PTGER3: variants seen among roughly 807,000 people sequenced by gnomAD.
PTGER3 encodes prostaglandin E2 receptor EP3 subtype.
A neutral mutation model predicts 34.7 loss-of-function variants in PTGER3; 22 were observed. The ratio of observed to expected loss-of-function variants is 0.63; its 90% CI spans 0.45 to 0.91. The LOEUF (loss-of-function observed/expected upper bound fraction) is 0.91. Ranked by LOEUF, PTGER3 falls within the 40% of genes least tolerant of loss-of-function variation. The pLI is 0.00. For synonymous variants in PTGER3, 241 were observed against 230.1 expected (o/e 1.05, Z -0.43); for missense variants, 468 against 519.4 (o/e 0.90, Z 0.96).
chr1:70,894,153 C>T (rs926858650), intron 4 of PTGER3, among the ~76,000 whole-genome samples: 1 of 151,470 alleles, frequency 6.6e-6, no homozygotes, highest in Non-Finnish European at 1.5e-5. Context: ...ACTAAAAATA[C>T]AAAAAATTAG....
At chr1:70,853,962 C>CA (rs1341290594) in intron 4 of PTGER3, among the ~76,000 whole-genome samples, 1 of 152,022 alleles carries the variant, frequency 6.6e-6, no homozygotes, top group Non-Finnish European at 1.5e-5. Context: ...ACACAATATA[C>CA]AAAAATAAAC....
intron 1 of PTGER3, among the ~76,000 whole-genome samples, chr1:71,032,585 C>G (rs1659503296): frequency 6.6e-6 from 1 of 152,182 alleles, no homozygotes; most frequent in Admixed American, 6.5e-5. Flanking sequence ...TCCTTAGGAG[C>G]AGAGCCTGAA....
At position 71,047,676 on chromosome 1, in the gene PTGER3, T is replaced by C; in HGVS notation, c.-99A>G. On this transcript the variant is annotated 5_prime_UTR_variant, in exon 1 of 4. Transcript: ENST00000306666. Reference sequence around the variant, plus strand: ...GGCGGAGGTCGGCGTTTACCGCGGCTGGGGCTGGGCTGCCCCCCATGGTGC... The same window carrying C: ...GGCGGAGGTCGGCGTTTACCGCGGCCGGGGCTGGGCTGCCCCCCATGGTGC... 2 of 1,366,266 alleles carry C rather than the reference T, an allele frequency of 1.5e-6. No individual in the cohort carries two copies. Among genetic ancestry groups the C allele is most frequent in the Non-Finnish European group, 2.0e-6 (2 of 1,025,474 alleles). 84.6% of individuals were successfully genotyped at this position (1,366,266 alleles called of 1,614,324 possible). A position where few individuals can be genotyped will look rare whatever the true frequency, so the allele number is the denominator to read the frequency against.
intron 4 of PTGER3, among the ~76,000 whole-genome samples, chr1:70,884,981 TAG>T (rs914080566): frequency 1.6e-4 from 24 of 152,336 alleles, no homozygotes; most frequent in Non-Finnish European, 3.2e-4. Context: ...ACAACTCTTC[TAG>T]ATGTTAAAAT....
At chr1:71,017,762 C>G (rs1231586655) in intron 1 of PTGER3, among the ~76,000 whole-genome samples, 1 of 152,126 alleles carries the variant, frequency 6.6e-6, no homozygotes, top group African/African-American at 2.4e-5. Context: ...GCTTCCTGTA[C>G]AGCCAGCAGA....
At chr1:71,016,439 G>A (rs925785878) in intron 1 of PTGER3, among the ~76,000 whole-genome samples, 1 of 152,116 alleles carries the variant, frequency 6.6e-6, no homozygotes, top group African/African-American at 2.4e-5. Context: ...AGGCAGACTT[G>A]TGGAAGGCAA....
At chr1:70,981,337 TTCTTTCTTTC>T (rs1654284353) in intron 2 of PTGER3, among the ~76,000 whole-genome samples, 1 of 45,502 alleles carries the variant, frequency 2.2e-5, no homozygotes, top group Non-Finnish European at 4.3e-5. Flanking sequence ...CTTTCTTTCT[TTCTTTCTTTC>T]TTTCTTTCTT....
At position 70,998,620 on chromosome 1, in the gene PTGER3, T is replaced by G. The variant is rs922623753; in HGVS notation, c.1077+13685A>C. ...GCTCCACTAAGAACCAAGTTGTTAC[T>G]GCTGTGAATCCAAGTACTAAGAGGA... On this transcript the variant is annotated intron_variant, in intron 2 of 3. Transcript: ENST00000306666. 3.3e-5 allele frequency among the ~76,000 whole-genome samples: 5 copies of G among 152,232 alleles called. No individual in the cohort carries two copies. In the East Asian group the frequency reaches 9.6e-4, roughly 29 times the overall value.
chr1:71,006,052 G>T, intron 2 of PTGER3: 1 of 660,486 alleles, frequency 1.5e-6, no homozygotes, highest in Non-Finnish European at 1.9e-6. Flanking sequence ...ATTTGTAACT[G>T]TATATTAGCA....
chr1:70,873,601 G>C (rs1391151750), intron 4 of PTGER3, among the ~76,000 whole-genome samples: 1 of 151,458 alleles, frequency 6.6e-6, no homozygotes, highest in Non-Finnish European at 1.5e-5. Context: ...GGGGGAACAG[G>C]TGGTGTTTGG....
At chr1:70,871,892 T>G (rs1236601381) in intron 4 of PTGER3, among the ~76,000 whole-genome samples, 2 of 152,152 alleles carry the variant, frequency 1.3e-5, no homozygotes, top group African/African-American at 4.8e-5. Flanking sequence ...TTACCAAAAG[T>G]TAAAGTATGC....
At chr1:70,920,985 TA>T (rs1462837225) in intron 4 of PTGER3, among the ~76,000 whole-genome samples, 1 of 152,250 alleles carries the variant, frequency 6.6e-6, no homozygotes, top group Admixed American at 6.5e-5. Context: ...TGGTAATGTT[TA>T]GATACATGCA....
rs114710397 is a variant in PTGER3, at chr1:70,901,981, G to A, written c.*24-49122C>T. Among the ~76,000 whole-genome samples the A allele has an allele frequency of 2.5e-3, 379 of 152,122 alleles. 3 individuals carry two copies. The highest frequency in any genetic ancestry group is 8.3e-3 in the African/African-American group (345 of 41,484). ...ACTCAAACAGCTTCTCTGTACCTTC[G>A]CCTACCTCAACCAAGAGTTAAGCAA... is the stretch of plus-strand genomic sequence containing the variant. On this transcript the variant is annotated intron_variant, in intron 4 of 4. Coordinates refer to the PTGER3 transcript ENST00000370931.
chr1:70,996,364 T>C (rs964668091), intron 2 of PTGER3, among the ~76,000 whole-genome samples: 2 of 152,176 alleles, frequency 1.3e-5, no homozygotes, highest in Non-Finnish European at 2.9e-5. Context: ...ATAATTTTAC[T>C]GTTGATTTAA....
chr1:70,984,433 T>C (rs1654711764), intron 2 of PTGER3, among the ~76,000 whole-genome samples: 1 of 151,078 alleles, frequency 6.6e-6, no homozygotes, highest in Admixed American at 6.6e-5. Flanking sequence ...ATTCTAACTA[T>C]TCAAAATTGC....
chr1:70,884,832 T>C lies in PTGER3; in HGVS notation c.*24-31973A>G, dbSNP rs148361100. 1.9e-3 allele frequency among the ~76,000 whole-genome samples: 296 copies of C among 152,324 alleles called. 5 individuals carry two copies. The East Asian group carries it at 0.047, about 24-fold the overall frequency. On this transcript the variant is annotated intron_variant, in intron 4 of 4. Coordinates refer to the PTGER3 transcript ENST00000370931. Reference sequence around the variant, plus strand: ...ATTGGAAACCCTATACAGTCTGCTATAGAATTTTGCATCATTTTCTGGCTG... The same window carrying C: ...ATTGGAAACCCTATACAGTCTGCTACAGAATTTTGCATCATTTTCTGGCTG...
intron 2 of PTGER3, among the ~76,000 whole-genome samples, chr1:70,999,330 TAATC>T (rs1656269510): frequency 6.6e-6 from 1 of 152,192 alleles, no homozygotes; most frequent in Non-Finnish European, 1.5e-5. Context: ...TGCACAGTTC[TAATC>T]AGTCTGATCA....
rs1311628722 is a variant in PTGER3, at chr1:70,954,019, A to G, written c.1078-230T>C. Among the ~76,000 whole-genome samples the G allele has an allele frequency of 7.2e-5, 11 of 152,208 alleles. 1 individual carries two copies. The East Asian group carries it at 2.1e-3, about 29-fold the overall frequency. ...ATCCCCTCGGTTCTGCCTACCAAGC[A>G]TCTCCTAGTCATAGGCATGCTTTTC... is the stretch of plus-strand genomic sequence containing the variant. On this transcript the variant is annotated intron_variant, in intron 2 of 3. Coordinates refer to the PTGER3 transcript ENST00000356595.
intron 4 of PTGER3, among the ~76,000 whole-genome samples, chr1:70,880,870 C>G (rs567178981): frequency 1.3e-5 from 2 of 152,176 alleles, no homozygotes; most frequent in East Asian, 3.9e-4. Flanking sequence ...GAGAATCTGA[C>G]GACTATGTGT....
Sources: gnomAD v4.1 joint callset for allele counts (sites outside exome capture counted in the v4.1 genomes callset) on GRCh38, gnomAD v4.1.1 for gene constraint, MANE v1.5 for transcripts, NCBI Gene and HGNC (gene_info 2026-07-23, HGNC 2026-07-21) for gene names.